NFAT5: variants seen among roughly 807,000 people sequenced by gnomAD.
The protein encoded by NFAT5 is nuclear factor of activated T-cells 5.
A neutral mutation model predicts 166.5 loss-of-function variants in NFAT5; 31 were observed. The observed-to-expected ratio is 0.19, with a 90% confidence interval of 0.14 to 0.25. The LOEUF (loss-of-function observed/expected upper bound fraction) is 0.25. NFAT5 is among the 10% of genes least tolerant of loss of function. The pLI, the probability that NFAT5 is intolerant of heterozygous loss-of-function variation, is 1.00. For synonymous variants in NFAT5, 612 were observed against 639.7 expected (o/e 0.96, Z 0.65); for missense variants, 1,449 against 1,821.8 (o/e 0.80, Z 3.72).
intron 2 of NFAT5, among the ~76,000 whole-genome samples, chr16:69,586,914 C>G (rs2032105430): frequency 6.6e-6 from 1 of 152,072 alleles, no homozygotes; most frequent in Admixed American, 6.6e-5. Context: ...CCTACTAAGT[C>G]TGATAAAGGT....
chr16:69,608,294 A>G (rs568619156), intron 2 of NFAT5, among the ~76,000 whole-genome samples: 2 of 152,248 alleles, frequency 1.3e-5, no homozygotes, highest in South Asian at 2.1e-4. Flanking sequence ...CCCCACATGC[A>G]TACATACAAT....
chr16:69,659,705 A>T, intron 6 of NFAT5, 22 bp from the exon 7 acceptor site: 9 of 1,521,514 alleles, frequency 5.9e-6, no homozygotes, highest in Non-Finnish European at 8.0e-6. Context: ...ATGTCCCTTT[A>T]TATATTTTTT....
chr16:69,626,326 A>G, intron 2 of NFAT5, 77 bp from the exon 3 acceptor site: 1 of 1,300,272 alleles, frequency 7.7e-7, no homozygotes, highest in South Asian at 1.6e-5. Context: ...GAAAAGACAT[A>G]CTCATTTTGT....
chr16:69,607,890 C>T (rs562613518), intron 2 of NFAT5, among the ~76,000 whole-genome samples: 21 of 152,268 alleles, frequency 1.4e-4, no homozygotes, highest in African/African-American at 4.3e-4. Flanking sequence ...TCATTACTCC[C>T]TTTCATGTGT....
chr16:69,698,610 T>G lies in NFAT5; in HGVS notation c.*2259T>G, dbSNP rs554432426. On this transcript the variant is annotated 3_prime_UTR_variant, in exon 15 of 15. Coordinates refer to ENST00000349945, the MANE Select transcript of NFAT5 (RefSeq NM_138713.4). ...TAGTTCCTTGATGTCAGTAGTGGGCTAAAGGCAGCTTACTGTGTGTTTGCT... is the reference window on the plus strand; with the variant it reads ...TAGTTCCTTGATGTCAGTAGTGGGCGAAAGGCAGCTTACTGTGTGTTTGCT... 2.0e-5 allele frequency: 3 copies of G among 152,676 alleles called. No individual in the cohort carries two copies. In the East Asian group the frequency reaches 5.8e-4, roughly 29 times the overall value. The allele number at this position is 152,676 out of a possible 1,614,324, so 9.5% of individuals were successfully genotyped here.
Position 69,582,678 on chromosome 16 carries a change from CT to C in NFAT5, c.127+14143del, listed in dbSNP as rs376463471. 2.1e-3 allele frequency among the ~76,000 whole-genome samples: 279 copies of C among 136,086 alleles called. 1 individual carries two copies. The highest frequency in any genetic ancestry group is 3.3e-3 in the African/African-American group (124 of 37,048). The allele number at this position is 136,086 out of a possible 152,430, so 89.3% of individuals were successfully genotyped here. ...AAATTAATTGGGCATAGATGTATGGCTTTTTTTTTTTTTCTTCTGGACTCTC... is the reference window on the plus strand; with the variant it reads ...AAATTAATTGGGCATAGATGTATGGCTTTTTTTTTTTTCTTCTGGACTCTC... On this transcript the variant is annotated intron_variant, in intron 2 of 14. Transcript: ENST00000349945.
At chr16:69,628,344 G>A (rs571830774) in intron 3 of NFAT5, among the ~76,000 whole-genome samples, 1 of 151,966 alleles carries the variant, frequency 6.6e-6, no homozygotes, top group Admixed American at 6.6e-5. Flanking sequence ...TTGAAGTAAT[G>A]CATTCTTATT....
chr16:69,597,232 G>A (rs573983396), intron 2 of NFAT5, among the ~76,000 whole-genome samples: 27 of 152,114 alleles, frequency 1.8e-4, no homozygotes, highest in Non-Finnish European at 2.4e-4. Flanking sequence ...GAAAGATTCG[G>A]TAAACCAAAA....
At chr16:69,684,009 G>T (rs966106765) in intron 10 of NFAT5, among the ~76,000 whole-genome samples, 1 of 151,720 alleles carries the variant, frequency 6.6e-6, no homozygotes, top group Non-Finnish European at 1.5e-5. Flanking sequence ...TGAGGCACGA[G>T]AATCCCTTAA....
At chr16:69,651,804 G>T (rs1444105190) in intron 4 of NFAT5, among the ~76,000 whole-genome samples, 1 of 151,792 alleles carries the variant, frequency 6.6e-6, no homozygotes. Context: ...CCGAGTAGAT[G>T]GGATTACAGG....
intron 2 of NFAT5, among the ~76,000 whole-genome samples, chr16:69,605,592 A>G (rs939508695): frequency 4.6e-5 from 7 of 152,192 alleles, no homozygotes; most frequent in Admixed American, 1.3e-4. Context: ...TGATTTTGCT[A>G]TCAACTATCT....
At chr16:69,642,230 A>G (rs1057472257) in intron 3 of NFAT5, among the ~76,000 whole-genome samples, 4 of 152,162 alleles carry the variant, frequency 2.6e-5, no homozygotes, top group Non-Finnish European at 4.4e-5. Flanking sequence ...AATCTCAACT[A>G]TTTTTGAGTA....
chr16:69,691,690 T>C (rs2151717838), intron 12 of NFAT5, 59 bp from the exon 13 acceptor site: 2 of 1,311,984 alleles, frequency 1.5e-6, no homozygotes, highest in East Asian at 2.3e-5. Context: ...TTTTGATGTA[T>C]GTTACAAACT....
rs1429676544 is a variant in NFAT5, at chr16:69,566,006, G to A, written c.-296G>A. The A allele has an allele frequency of 9.6e-6, 3 of 312,196 alleles. No homozygotes were observed. Among genetic ancestry groups the A allele is most frequent in the Non-Finnish European group, 1.8e-5 (3 of 169,204 alleles). The allele number at this position is 312,196 out of a possible 1,614,324, so 19.3% of individuals were successfully genotyped here. A position where few individuals can be genotyped will look rare whatever the true frequency, so the allele number is the denominator to read the frequency against. Reference sequence around the variant, plus strand: ...GCGGCGGCGGTGGCGGCGACCGTCAGTTTTCGCTGAGGAGAAACACGAAAC... The same window carrying A: ...GCGGCGGCGGTGGCGGCGACCGTCAATTTTCGCTGAGGAGAAACACGAAAC... On this transcript the variant is annotated 5_prime_UTR_variant, in exon 1 of 15. Coordinates refer to ENST00000349945, the MANE Select transcript of NFAT5 (RefSeq NM_138713.4). The surrounding 1 kb of genome is among the most constrained non-coding windows in gnomAD (Gnocchi z 5.7).
intron 3 of NFAT5, among the ~76,000 whole-genome samples, chr16:69,631,644 T>G (rs2034723302): frequency 1.3e-5 from 2 of 151,984 alleles, no homozygotes; most frequent in Non-Finnish European, 2.9e-5. Context: ...TTTTGTTTTT[T>G]GAGATGGAGT....
chr16:69,635,231 G>A (rs7190711), intron 3 of NFAT5, among the ~76,000 whole-genome samples: 6,625 of 151,778 alleles, frequency 0.044, 488 homozygotes, highest in African/African-American at 0.15. Flanking sequence ...GGCTGGTCTT[G>A]AACTCCGGAC....
intron 3 of NFAT5, among the ~76,000 whole-genome samples, chr16:69,637,499 A>C (rs995244966): frequency 6.6e-6 from 1 of 152,200 alleles, no homozygotes; most frequent in African/African-American, 2.4e-5. Flanking sequence ...ACAGTTCCAC[A>C]TGGCTGGGGA....
intron 7 of NFAT5, 31 bp downstream of exon 7, chr16:69,659,930 T>TA: frequency 1.3e-6 from 2 of 1,499,276 alleles, no homozygotes; most frequent in Non-Finnish European, 1.8e-6. Context: ...ATACTAAACA[T>TA]ATGGAGTTTC....
intron 3 of NFAT5, among the ~76,000 whole-genome samples, chr16:69,635,952 A>C (rs1370287223): frequency 6.6e-6 from 1 of 152,098 alleles, no homozygotes; most frequent in Non-Finnish European, 1.5e-5. Flanking sequence ...TTAACCCAAA[A>C]GTCTACCAGT....
Sources: gnomAD v4.1 joint callset for allele counts (sites outside exome capture counted in the v4.1 genomes callset) on GRCh38, gnomAD v4.1.1 for gene constraint, Gnocchi (gnomAD v3.1) non-coding constraint, MANE v1.5 for transcripts, NCBI Gene and HGNC (gene_info 2026-07-23, HGNC 2026-07-21) for gene names.